ZNF462: variants seen among roughly 807,000 people sequenced by gnomAD.
ZNF462 encodes the protein zinc finger PBX1-interacting protein.
A neutral mutation model predicts 201.9 loss-of-function variants in ZNF462; 10 were observed. The ratio of observed to expected loss-of-function variants is 0.05; its 90% CI spans 0.03 to 0.08. The LOEUF is 0.08. Ranked by LOEUF, ZNF462 falls within the 10% of genes least tolerant of loss-of-function variation. The probability of loss-of-function intolerance (pLI) is 1.00; values close to 1 mark genes in which losing one functional copy is unlikely to be tolerated. For synonymous variants in ZNF462, 1,227 were observed against 1,193.3 expected (o/e 1.03, Z -0.58); for missense variants, 2,523 against 3,168.3 (o/e 0.80, Z 4.89).
intron 1 of ZNF462, among the ~76,000 whole-genome samples, chr9:106,900,099 T>G (rs1000529693): frequency 1.3e-5 from 2 of 152,020 alleles, no homozygotes; most frequent in African/African-American, 4.8e-5. Context: ...GATGTTTGGT[T>G]TTCCATTCCT....
intron 1 of ZNF462, among the ~76,000 whole-genome samples, chr9:106,878,716 G>A (rs1827949684): frequency 1.3e-5 from 2 of 152,178 alleles, no homozygotes; most frequent in African/African-American, 4.8e-5. Flanking sequence ...CTTAGGCTGT[G>A]GGTAGTGGAT....
chr9:106,908,902 CATATATACATATATATAT>C lies in ZNF462; in HGVS notation c.-30-14444_-30-14427del, dbSNP rs1468343432. 8.9e-3 allele frequency among the ~76,000 whole-genome samples: 683 copies of C among 77,150 alleles called. 4 individuals carry two copies. Among genetic ancestry groups the C allele is most frequent in the South Asian group, 0.028 (52 of 1,878 alleles). 50.6% of individuals were successfully genotyped at this position (77,150 alleles called of 152,430 possible). ...GCTGTGAAAGTTGAGAATATTTGCC[CATATATACATATATATAT>C]ATATATATATATATATATATATTTT... is the stretch of plus-strand genomic sequence containing the variant. On this transcript the variant is annotated intron_variant, in intron 1 of 12. Coordinates refer to ENST00000277225, the MANE Select transcript of ZNF462 (RefSeq NM_021224.6).
intron 1 of ZNF462, among the ~76,000 whole-genome samples, chr9:106,877,297 T>A (rs929278637): frequency 2.9e-4 from 17 of 59,506 alleles, no homozygotes; most frequent in Non-Finnish European, 5.1e-4. Context: ...CTACTCATGA[T>A]TTTTTTTTTT....
chr9:106,888,578 C>CCAG (rs1263508631), intron 1 of ZNF462, among the ~76,000 whole-genome samples: 3 of 147,190 alleles, frequency 2.0e-5, no homozygotes, highest in African/African-American at 7.6e-5. Flanking sequence ...GTTTGGAAAA[C>CCAG]ATAACTGGGG....
Position 106,925,959 on chromosome 9 carries a change from T to C in ZNF462, c.2047T>C (p.Phe683Leu), listed in dbSNP as rs764915233. The change falls in exon 3 of 13, where the codon TTT (phenylalanine) becomes CTT (leucine). Residue 683 changes from phenylalanine to leucine, a missense_variant. Coordinates refer to ENST00000277225, the MANE Select transcript of ZNF462 (RefSeq NM_021224.6). The surrounding 1 kb of genome is among the most constrained non-coding windows in gnomAD (Gnocchi z 7.9). ...AGCCTCTAGGAAGCTCGCCAATGAC[T>C]TTCCTCTAGATTTGTCACCCGTGAA... ...AKASRKLAND[F>L]PLDLSPVKKR... 4 of 1,614,156 alleles carry C rather than the reference T, an allele frequency of 2.5e-6. No individual in the cohort carries two copies. In the East Asian group the frequency reaches 8.9e-5, roughly 36 times the overall value.
intron 7 of ZNF462, among the ~76,000 whole-genome samples, chr9:106,943,234 A>C (rs965998069): frequency 6.6e-6 from 1 of 152,148 alleles, no homozygotes; most frequent in Non-Finnish European, 1.5e-5. Flanking sequence ...AAAATGTTGC[A>C]AGGAGCTTGG....
rs943175108 is a variant in ZNF462 at position 106,902,178 on chromosome 9, A to G, written c.-30-21176A>G. Among the ~76,000 whole-genome samples the G allele has an allele frequency of 6.6e-6, 1 of 152,108 alleles. No individual in the cohort carries two copies. The highest frequency in any genetic ancestry group is 1.9e-4 in the East Asian group (1 of 5,190). On this transcript the variant is annotated intron_variant, in intron 1 of 12. Coordinates refer to ENST00000277225, the MANE Select transcript of ZNF462 (RefSeq NM_021224.6). This position sits in a 1 kb window ranked among gnomAD's most constrained non-coding sequence, Gnocchi z 4.2. ...TTTTTCTGCCTCTATTGAGATGATC[A>G]TGTGATTTTTTATTTTTAATTCTGT...
intron 9 of ZNF462, chr9:106,975,516 C>T (rs1483514866): frequency 6.6e-6 from 1 of 152,240 alleles, no homozygotes; most frequent in Non-Finnish European, 1.5e-5. Flanking sequence ...TCTAATGAGA[C>T]ATGAGATCGT....
rs1828484569 is a variant in ZNF462, at chr9:106,993,861, T to G, written c.7057-9433T>G. ...CTAGGCTCAAGCAATCCTCCCACCT[T>G]GGCTTCCCAAAGTACAGGAATTGCA... On this transcript the variant is annotated intron_variant, in intron 10 of 12. Transcript: ENST00000277225. This position sits in a 1 kb window ranked among gnomAD's most constrained non-coding sequence, Gnocchi z 4.0. Among the ~76,000 whole-genome samples, 1 of 152,092 alleles carries G rather than the reference T, an allele frequency of 6.6e-6. No homozygotes were observed. Among genetic ancestry groups the G allele is most frequent in the South Asian group, 2.1e-4 (1 of 4,832 alleles).
At chr9:107,001,244 CTT>C (rs1003508634) in intron 10 of ZNF462, among the ~76,000 whole-genome samples, 1 of 152,148 alleles carries the variant, frequency 6.6e-6, no homozygotes, top group Non-Finnish European at 1.5e-5. Flanking sequence ...AGCCAGAAAA[CTT>C]TTTATTCAAA....
In ZNF462 at chr9:106,962,840, C is replaced by A. The variant is rs921585084; in HGVS notation, c.6428-9165C>A. Among the ~76,000 whole-genome samples, 3 of 152,032 alleles carry A rather than the reference C, an allele frequency of 2.0e-5. No homozygotes were observed. The South Asian group carries it at 6.2e-4, about 32-fold the overall frequency. The stretch of plus-strand genomic sequence containing the variant: ...TATATAGTCATCCAGCATCCATTGT[C>A]CCCCTGGCCATTGTATCATAATCTT... On this transcript the variant is annotated intron_variant, in intron 7 of 12. Transcript: ENST00000277225. The surrounding 1 kb of genome is among the most constrained non-coding windows in gnomAD (Gnocchi z 4.6).
intron 1 of ZNF462, among the ~76,000 whole-genome samples, chr9:106,903,748 C>G (rs1262609545): frequency 6.6e-6 from 1 of 152,180 alleles, no homozygotes; most frequent in Non-Finnish European, 1.5e-5. Context: ...GTTACCCCTG[C>G]TCACTTTTGG....
At position 107,009,496 on chromosome 9, in the gene ZNF462, C is replaced by T. The variant is rs747173562; in HGVS notation, c.7190-49C>T. 22 of 1,610,126 alleles carry T rather than the reference C, an allele frequency of 1.4e-5. No individual in the cohort carries two copies. Among genetic ancestry groups the T allele is most frequent in the Middle Eastern group, 3.3e-4 (2 of 6,038 alleles). ...CCTAATGAATGCTGACTTACCTATT[C>T]TGCTGATTCCCACAGCACACAGGTA... On this transcript the variant is annotated intron_variant, in intron 11 of 12. Coordinates refer to ENST00000277225, the MANE Select transcript of ZNF462 (RefSeq NM_021224.6). The surrounding 1 kb of genome is among the most constrained non-coding windows in gnomAD (Gnocchi z 6.1).
intron 10 of ZNF462, among the ~76,000 whole-genome samples, chr9:107,001,227 A>C (rs561758400): frequency 1.4e-4 from 22 of 152,146 alleles, no homozygotes; most frequent in Non-Finnish European, 2.8e-4. Context: ...TTCCTGAAAA[A>C]CTAGCAAGCC....
At chr9:106,901,484 T>A (rs1261603236) in intron 1 of ZNF462, among the ~76,000 whole-genome samples, 3 of 152,166 alleles carry the variant, frequency 2.0e-5, no homozygotes, top group African/African-American at 7.2e-5. Flanking sequence ...GAGATTGCAT[T>A]GAATTTGTAC....
Position 106,972,050 on chromosome 9 carries a change from A to G in ZNF462, c.6473A>G (p.His2158Arg). 2 of 1,614,190 alleles carry G rather than the reference A, an allele frequency of 1.2e-6. No homozygotes were observed. Among genetic ancestry groups the G allele is most frequent in the Non-Finnish European group, 1.7e-6 (2 of 1,180,030 alleles). The change falls in exon 8 of 13, where the codon CAC (histidine) becomes CGC (arginine). Residue 2158 changes from histidine (H) to arginine (R), a missense_variant. By Grantham distance (29) the His-to-Arg change is conservative. Transcript: ENST00000277225. This position sits in a 1 kb window ranked among gnomAD's most constrained non-coding sequence, Gnocchi z 4.8. ...CCAGATGTTCAGCAGCAGTTGAACC[A>G]CTATCAGTCAGCTGCCCTGGCAAGG... is the stretch of plus-strand genomic sequence containing the variant. Reference protein sequence around the residue: ...EPPDVQQQLNHYQSAALARNN... With the variant: ...EPPDVQQQLNRYQSAALARNN...
chr9:106,988,302 G>A (rs1201124775), intron 10 of ZNF462, among the ~76,000 whole-genome samples: 1 of 151,984 alleles, frequency 6.6e-6, no homozygotes, highest in East Asian at 1.9e-4. Context: ...GGAAACCCCT[G>A]GTAAACCATT....
In ZNF462 at chr9:106,930,426, A is replaced by G. The variant is rs1830378201; in HGVS notation, c.5848-99A>G. 6 of 1,479,202 alleles carry G rather than the reference A, an allele frequency of 4.1e-6. No homozygotes were observed. In the South Asian group the frequency reaches 8.0e-5, roughly 20 times the overall value. 91.6% of individuals were successfully genotyped at this position (1,479,202 alleles called of 1,614,324 possible). ...ATCTCCCTTGGTTTTTAACCTGCTA[A>G]TCGGCTTTAAAATAAAGTATGTTAG... On this transcript the variant is annotated intron_variant, in intron 3 of 12. Coordinates refer to ENST00000277225, the MANE Select transcript of ZNF462 (RefSeq NM_021224.6). This position sits in a 1 kb window ranked among gnomAD's most constrained non-coding sequence, Gnocchi z 5.8.
In ZNF462 at chr9:106,977,631, G is replaced by T. The variant is rs1286972243; in HGVS notation, c.6832+3358G>T. 6.6e-6 allele frequency among the ~76,000 whole-genome samples: 1 copy of T among 151,476 alleles called. No individual in the cohort carries two copies. The highest frequency in any genetic ancestry group is 2.5e-5 in the African/African-American group (1 of 40,780). ...CTATGCTTGGTTCTTTGGGCAAAAT[G>T]GGGAACATAAGACCCAGCACCCACT... On this transcript the variant is annotated intron_variant, in intron 9 of 12. Transcript: ENST00000277225. This position sits in a 1 kb window ranked among gnomAD's most constrained non-coding sequence, Gnocchi z 4.6.
Sources: gnomAD v4.1 joint callset for allele counts (sites outside exome capture counted in the v4.1 genomes callset) on GRCh38, gnomAD v4.1.1 for gene constraint, Gnocchi (gnomAD v3.1) non-coding constraint, MANE v1.5 for transcripts, NCBI Gene and HGNC (gene_info 2026-07-23, HGNC 2026-07-21) for gene names.